The following LPP variants were observed in gnomAD, a reference collection of about 807,000 sequenced individuals.
The protein encoded by LPP is lipoma-preferred partner.
In LPP, 38 loss-of-function variants were observed where a neutral mutation model predicts 60.4. That is an observed-to-expected ratio of 0.63 (90% CI 0.49 to 0.83). LPP has a LOEUF of 0.83. LPP is among the 40% of genes least tolerant of loss of function. The pLI is 0.00. For missense variants in LPP, 902 were observed against 783.6 expected (o/e 1.15, Z -1.80); for synonymous variants, 328 against 290.8 (o/e 1.13, Z -1.30).
intron 4 of LPP, among the ~76,000 whole-genome samples, chr3:188,463,217 A>G (rs1799568256): frequency 6.6e-6 from 1 of 152,084 alleles, no homozygotes; most frequent in African/African-American, 2.4e-5. Context: ...TAGACATAGG[A>G]TCTCACTCTG....
chr3:188,433,183 C>T (rs1791379539), intron 4 of LPP, among the ~76,000 whole-genome samples: 2 of 152,158 alleles, frequency 1.3e-5, no homozygotes, highest in Admixed American at 1.3e-4. Context: ...GGAGCTTTCA[C>T]TGAATGTATT....
rs1342207321 is a variant in LPP at position 188,495,082 on chromosome 3, A to ATATTTTTTT, written c.306+10379_306+10380insATTTTTTTT. ...CAGGATTTTATATATATATATATATATTTTATTTATATTTTATTATATATT... is the reference window on the plus strand; with the variant it reads ...CAGGATTTTATATATATATATATATATATTTTTTTTTTTATTTATATTTTATTATATATT... On this transcript the variant is annotated intron_variant, in intron 5 of 11. Transcript: ENST00000617246. 9.3e-4 allele frequency among the ~76,000 whole-genome samples: 90 copies of ATATTTTTTT among 97,242 alleles called. 4 individuals carry two copies. The highest frequency in any genetic ancestry group is 3.6e-3 in the African/African-American group (90 of 25,078). The allele number at this position is 97,242 out of a possible 152,430, so 63.8% of individuals were successfully genotyped here. A position where few individuals can be genotyped will look rare whatever the true frequency, so the allele number is the denominator to read the frequency against.
At chr3:188,668,725 A>G (rs1856330579) in intron 7 of LPP, among the ~76,000 whole-genome samples, 1 of 152,194 alleles carries the variant, frequency 6.6e-6, no homozygotes, top group African/African-American at 2.4e-5. Context: ...TCCGTGGGAC[A>G]ATTACTTATT....
chr3:188,696,720 T>A (rs1863319125), intron 7 of LPP, among the ~76,000 whole-genome samples: 1 of 152,226 alleles, frequency 6.6e-6, no homozygotes, highest in South Asian at 2.1e-4. Flanking sequence ...TGAACCCAAG[T>A]AAGCAGACCC....
Position 188,155,121 on chromosome 3 carries a change from A to G in LPP, c.-190+869A>G, listed in dbSNP as rs76444825. 6.1e-3 allele frequency among the ~76,000 whole-genome samples: 926 copies of G among 152,246 alleles called. 3 individuals carry two copies. Among genetic ancestry groups the G allele is most frequent in the Non-Finnish European group, 0.011 (715 of 68,014 alleles). ...GGGGTTGGGGATGGGGGAGGTTGTG[A>G]TATGAGATGAGCTAATCAGTGGAAT... On this transcript the variant is annotated intron_variant, in intron 1 of 11. Transcript: ENST00000617246.
intron 6 of LPP, among the ~76,000 whole-genome samples, chr3:188,555,795 G>A (rs115097823): frequency 0.02 from 2,991 of 152,144 alleles, 38 homozygotes; most frequent in Admixed American, 0.041. Context: ...GTAGACAGCT[G>A]TATATTTGAG....
At position 188,609,441 on chromosome 3, in the gene LPP, C is replaced by A; in HGVS notation, c.710C>A (p.Ala237Asp). 6.2e-7 allele frequency: 1 copy of A among 1,614,164 alleles called. No homozygotes were observed. Among genetic ancestry groups the A allele is most frequent in the Non-Finnish European group, 8.5e-7 (1 of 1,180,034 alleles). The change falls in exon 7 of 12, where the codon GCC becomes GAC. Residue 237 changes from alanine (A) to aspartate (D), a missense_variant. Ala to Asp is a moderately radical substitution (Grantham distance 126, BLOSUM62 -2). Coordinates refer to ENST00000617246, the MANE Select transcript of LPP (RefSeq NM_001375462.1). The surrounding 1 kb of genome is among the most constrained non-coding windows in gnomAD (Gnocchi z 6.9). The stretch of plus-strand genomic sequence containing the variant: ...CAGCCCAGCCCTCATTATATGGCTG[C>A]CCCTTCATCAGGACAAATTTATGGC... Reference protein sequence around the residue: ...SAQPSPHYMAAPSSGQIYGSG... With the variant: ...SAQPSPHYMADPSSGQIYGSG...
At position 188,855,849 on chromosome 3, in the gene LPP, G is replaced by A. The variant is rs144168934; in HGVS notation, c.1411-10351G>A. On this transcript the variant is annotated intron_variant, in intron 9 of 11. Coordinates refer to ENST00000617246, the MANE Select transcript of LPP (RefSeq NM_001375462.1). ...TGTACAAAACTCACTGCTGGTGGCT[G>A]ACGTTGGCAAGACTGGAATACAGCC... Among the ~76,000 whole-genome samples, 888 of 152,310 alleles carry A rather than the reference G, an allele frequency of 5.8e-3. 5 individuals are homozygous for A. The highest frequency in any genetic ancestry group is 7.7e-3 in the Non-Finnish European group (523 of 68,028).
intron 7 of LPP, among the ~76,000 whole-genome samples, chr3:188,704,535 A>G (rs1865100334): frequency 6.6e-6 from 1 of 152,126 alleles, no homozygotes; most frequent in Admixed American, 6.5e-5. Context: ...GGCCACCAGT[A>G]TATTAGATAA....
chr3:188,779,262 A>G (rs1187980985), intron 9 of LPP, among the ~76,000 whole-genome samples: 2 of 152,146 alleles, frequency 1.3e-5, no homozygotes, highest in African/African-American at 2.4e-5. Context: ...GGTATTGCAG[A>G]CATATTCCTT....
chr3:188,654,268 G>A (rs934770355), intron 7 of LPP, among the ~76,000 whole-genome samples: 3 of 152,206 alleles, frequency 2.0e-5, no homozygotes, highest in Non-Finnish European at 4.4e-5. Context: ...GAAGGAAAAT[G>A]GTGTTGATTG....
chr3:188,471,625 A>G (rs983061823), intron 4 of LPP, among the ~76,000 whole-genome samples: 1 of 152,222 alleles, frequency 6.6e-6, no homozygotes, highest in Non-Finnish European at 1.5e-5. Flanking sequence ...GGGTTATCCT[A>G]TCTAAATTCA....
chr3:188,234,435 G>T (rs941702621), intron 2 of LPP, among the ~76,000 whole-genome samples: 2 of 152,154 alleles, frequency 1.3e-5, no homozygotes, highest in Non-Finnish European at 2.9e-5. Context: ...TAGGAATATC[G>T]CCATGGGAGT....
At chr3:188,477,825 G>A (rs187828528) in intron 4 of LPP, among the ~76,000 whole-genome samples, 30 of 152,248 alleles carry the variant, frequency 2.0e-4, no homozygotes, top group Admixed American at 3.3e-4. Context: ...AAGATAGTCC[G>A]TGATAATACA....
chr3:188,374,214 C>T (rs567001934), intron 3 of LPP, among the ~76,000 whole-genome samples: 2 of 152,006 alleles, frequency 1.3e-5, no homozygotes, highest in African/African-American at 4.8e-5. Flanking sequence ...TCCAGATGAA[C>T]TTTAAAGTAG....
At chr3:188,252,392 T>C (rs1374516645) in intron 2 of LPP, among the ~76,000 whole-genome samples, 3 of 146,624 alleles carry the variant, frequency 2.0e-5, no homozygotes, top group African/African-American at 7.5e-5. Flanking sequence ...GCTCAACCAA[T>C]TTCCTATGCT....
At chr3:188,379,266 C>A (rs1236701566) in intron 3 of LPP, among the ~76,000 whole-genome samples, 1 of 151,990 alleles carries the variant, frequency 6.6e-6, no homozygotes, top group Non-Finnish European at 1.5e-5. Context: ...AATATATTAA[C>A]CAGAGATACA....
At chr3:188,714,540 T>A (rs1203713184) in intron 8 of LPP, among the ~76,000 whole-genome samples, 1 of 152,160 alleles carries the variant, frequency 6.6e-6, no homozygotes, top group Non-Finnish European at 1.5e-5. Flanking sequence ...AAGTCAGGTT[T>A]TTTTATAAAA....
intron 2 of LPP, among the ~76,000 whole-genome samples, chr3:188,234,438 A>G (rs973319120): frequency 1.3e-5 from 2 of 152,204 alleles, no homozygotes; most frequent in African/African-American, 4.8e-5. Flanking sequence ...GAATATCGCC[A>G]TGGGAGTGGA....
Sources: allele counts gnomAD v4.1 joint callset (sites outside exome capture counted in the v4.1 genomes callset), GRCh38; gene constraint gnomAD v4.1.1; non-coding constraint Gnocchi (gnomAD v3.1); transcripts MANE v1.5; gene names NCBI Gene and HGNC (gene_info 2026-07-23, HGNC 2026-07-21).